Variants in GALNT17 observed in about 807,000 individuals in gnomAD.
GALNT17 encodes the protein UDP-GalNAc:polypeptide N-acetylgalactosaminyltransferase-like 3.
A neutral mutation model predicts 63.7 loss-of-function variants in GALNT17; 29 were observed. The observed-to-expected ratio is 0.46, with a 90% confidence interval of 0.34 to 0.62. The LOEUF is 0.62. Among genes scored for constraint, GALNT17 ranks in the 20% least tolerant of loss-of-function variants. GALNT17 has a pLI of 0.01. For missense variants in GALNT17, 603 were observed against 799.6 expected (o/e 0.75, Z 2.97); for synonymous variants, 305 against 318.3 (o/e 0.96, Z 0.45).
intron 5 of GALNT17, among the ~76,000 whole-genome samples, chr7:71,489,766 T>C (rs1169248436): frequency 1.3e-5 from 2 of 152,222 alleles, no homozygotes; most frequent in African/African-American, 2.4e-5. Flanking sequence ...CATTTTCACT[T>C]AACACCCTTC....
intron 1 of GALNT17, among the ~76,000 whole-genome samples, chr7:71,134,163 G>T (rs1045239150): frequency 6.6e-6 from 1 of 152,132 alleles, no homozygotes; most frequent in African/African-American, 2.4e-5. Flanking sequence ...ATATAACTGC[G>T]CCCCAAACCT....
At chr7:71,416,331 G>T (rs1461736277) in intron 4 of GALNT17, among the ~76,000 whole-genome samples, 1 of 152,154 alleles carries the variant, frequency 6.6e-6, no homozygotes, top group African/African-American at 2.4e-5. Flanking sequence ...GTTTTATCAG[G>T]CTGGGCATGG....
At chr7:71,587,052 C>G (rs1789728806) in intron 6 of GALNT17, among the ~76,000 whole-genome samples, 1 of 151,920 alleles carries the variant, frequency 6.6e-6, no homozygotes, top group South Asian at 2.1e-4. Flanking sequence ...TTTTTTGAAA[C>G]AAAGTCAATC....
chr7:71,144,955 C>A (rs1005078449), intron 1 of GALNT17, among the ~76,000 whole-genome samples: 1 of 152,108 alleles, frequency 6.6e-6, no homozygotes, highest in Non-Finnish European at 1.5e-5. Context: ...GTCTTGATCT[C>A]CTGACTTCGT....
rs116664189 is a variant in GALNT17 at position 71,334,043 on chromosome 7, C to T, written c.239-1507C>T. On this transcript the variant is annotated intron_variant, in intron 1 of 10. Coordinates refer to ENST00000333538, the MANE Select transcript of GALNT17 (RefSeq NM_022479.3). The stretch of plus-strand genomic sequence containing the variant: ...AAAGTGCTGGAGTACTCTAATTCTC[C>T]GCCGATAGGGTCTCTATGGAGATGG... Among the ~76,000 whole-genome samples, 853 of 152,174 alleles carry T rather than the reference C, an allele frequency of 5.6e-3. 9 individuals are homozygous for T. The highest frequency in any genetic ancestry group is 0.019 in the African/African-American group (808 of 41,514).
At chr7:71,683,784 G>C (rs888728342) in intron 9 of GALNT17, among the ~76,000 whole-genome samples, 2 of 152,130 alleles carry the variant, frequency 1.3e-5, no homozygotes, top group Non-Finnish European at 2.9e-5. Flanking sequence ...AAGGCGGGTG[G>C]ATCACTTCCA....
chr7:71,688,607 C>T (rs1345093146), intron 9 of GALNT17, among the ~76,000 whole-genome samples: 3 of 152,182 alleles, frequency 2.0e-5, no homozygotes, highest in Admixed American at 2.0e-4. Context: ...CTAAATATTT[C>T]CTGCTGATGT....
chr7:71,421,986 A>G (rs1161782485), intron 5 of GALNT17, among the ~76,000 whole-genome samples: 1 of 152,048 alleles, frequency 6.6e-6, no homozygotes, highest in Non-Finnish European at 1.5e-5. Flanking sequence ...GTTGAATGAA[A>G]TAGGTTGATT....
intron 5 of GALNT17, among the ~76,000 whole-genome samples, chr7:71,547,228 G>A (rs574483115): frequency 5.1e-4 from 78 of 151,910 alleles, no homozygotes; most frequent in African/African-American, 1.7e-3. Flanking sequence ...GCAGTGGCGC[G>A]ATCTTGGCTC....
rs545361136 is a variant in GALNT17, at chr7:71,190,722, C to A, written c.238+57682C>A. Among the ~76,000 whole-genome samples, 7 of 152,212 alleles carry A rather than the reference C, an allele frequency of 4.6e-5. No individual in the cohort carries two copies. The South Asian group carries it at 1.5e-3, about 32-fold the overall frequency. The stretch of plus-strand genomic sequence containing the variant: ...TCATGGTTCTCTGCAGCCTTAAACT[C>A]CTGGGCTCAAGTGATCCTCCCACCT... On this transcript the variant is annotated intron_variant, in intron 1 of 10. Coordinates refer to ENST00000333538, the MANE Select transcript of GALNT17 (RefSeq NM_022479.3).
At chr7:71,190,261 A>G (rs1223242683) in intron 1 of GALNT17, among the ~76,000 whole-genome samples, 3 of 152,156 alleles carry the variant, frequency 2.0e-5, no homozygotes, top group African/African-American at 4.8e-5. Context: ...TGTAATACCA[A>G]TGCTGGAGTT....
At chr7:71,391,515 C>G (rs1044478622) in intron 3 of GALNT17, among the ~76,000 whole-genome samples, 6 of 152,168 alleles carry the variant, frequency 3.9e-5, no homozygotes, top group African/African-American at 1.4e-4. Flanking sequence ...GGGTCTCTCA[C>G]TCTGTCGCCC....
chr7:71,315,336 T>TTGTGTACAGGTTTTTG (rs1791481531), intron 1 of GALNT17, among the ~76,000 whole-genome samples: 1 of 152,214 alleles, frequency 6.6e-6, no homozygotes, highest in East Asian at 1.9e-4. Context: ...TGTGAATCAC[T>TTGTGTACAGGTTTTTG]TGTGTACAGG....
At chr7:71,456,946 C>T (rs1041320930) in intron 5 of GALNT17, among the ~76,000 whole-genome samples, 2 of 152,046 alleles carry the variant, frequency 1.3e-5, no homozygotes, top group Admixed American at 1.3e-4. Flanking sequence ...CAACTCGAAG[C>T]GGGGGGTTCC....
rs569801784 is a variant in GALNT17, at chr7:71,368,127, G to A, written c.423-20108G>A. On this transcript the variant is annotated intron_variant, in intron 2 of 10. Coordinates refer to ENST00000333538, the MANE Select transcript of GALNT17 (RefSeq NM_022479.3). ...AGGATTGTGATCTGGGGAAGAGAGC[G>A]TGCACACACGCATCTTGGTTGGACC... 7.2e-5 allele frequency among the ~76,000 whole-genome samples: 11 copies of A among 152,320 alleles called. No individual in the cohort carries two copies. In the South Asian group the frequency reaches 1.2e-3, roughly 17 times the overall value.
chr7:71,213,880 G>A (rs746241691), intron 1 of GALNT17, among the ~76,000 whole-genome samples: 88 of 152,116 alleles, frequency 5.8e-4, no homozygotes, highest in Non-Finnish European at 6.8e-4. Context: ...TAACCAGCCT[G>A]TTCCTACCAT....
intron 4 of GALNT17, among the ~76,000 whole-genome samples, chr7:71,418,461 C>T (rs534454601): frequency 6.6e-6 from 1 of 152,316 alleles, no homozygotes; most frequent in South Asian, 2.1e-4. Context: ...CTGCGGTTGT[C>T]TGGCTGTGGC....
Position 71,592,568 on chromosome 7 carries a change from A to C in GALNT17, c.1080+21166A>C, listed in dbSNP as rs867715597. On this transcript the variant is annotated intron_variant, in intron 6 of 10. Coordinates refer to ENST00000333538, the MANE Select transcript of GALNT17 (RefSeq NM_022479.3). ...AAATAGCATAGCATAGCATACTAAA[A>C]TAAAATAAAATAAAATAAAATAAAA... Among the ~76,000 whole-genome samples the C allele has an allele frequency of 5.2e-3, 435 of 84,088 alleles. 11 individuals carry two copies. The South Asian group carries it at 0.053, about 10-fold the overall frequency. 55.2% of individuals were successfully genotyped at this position (84,088 alleles called of 152,430 possible).
At chr7:71,638,535 G>A (rs936019170) in intron 6 of GALNT17, among the ~76,000 whole-genome samples, 2 of 152,186 alleles carry the variant, frequency 1.3e-5, no homozygotes, top group Non-Finnish European at 2.9e-5. Flanking sequence ...GCCTTGAAAA[G>A]AGGGTGGGAT....
Sources: allele counts gnomAD v4.1 joint callset (sites outside exome capture counted in the v4.1 genomes callset), GRCh38; gene constraint gnomAD v4.1.1; transcripts MANE v1.5; gene names NCBI Gene and HGNC (gene_info 2026-07-23, HGNC 2026-07-21).